The following BLK variants were observed in gnomAD, a reference collection of about 807,000 sequenced individuals.
BLK encodes the protein tyrosine-protein kinase Blk.
A neutral mutation model predicts 61.8 loss-of-function variants in BLK; 64 were observed. That is an observed-to-expected ratio of 1.03 (90% confidence interval 0.85 to 1.27). BLK has a LOEUF of 1.27. Ranked by LOEUF, BLK falls within the 50% of genes most tolerant of loss-of-function variation. The pLI, the probability that BLK is intolerant of heterozygous loss-of-function variation, is 0.00. For missense variants in BLK, 853 were observed against 660.5 expected (o/e 1.29, Z -3.19); for synonymous variants, 351 against 272.0 (o/e 1.29, Z -2.86).
intron 6 of BLK, chr8:11,554,319 GCTAT>G (rs1801078686): frequency 3.9e-6 from 1 of 258,976 alleles, no homozygotes; most frequent in Non-Finnish European, 7.6e-6. Context: ...GCTGTGAATG[GCTAT>G]CTGCTTGTAG....
chr8:11,506,844 CAGGG>C (rs1798787003), intron 1 of BLK, among the ~76,000 whole-genome samples: 1 of 152,216 alleles, frequency 6.6e-6, no homozygotes. Context: ...GTGGGACTCT[CAGGG>C]AGGCCACTTG....
intron 1 of BLK, among the ~76,000 whole-genome samples, chr8:11,498,027 G>C (rs1405267127): frequency 2.0e-5 from 3 of 152,182 alleles, no homozygotes; most frequent in African/African-American, 7.2e-5. Flanking sequence ...GTCCACTGTG[G>C]GGCTTGTGCA....
At chr8:11,556,241 C>T (rs1801215422) in intron 8 of BLK, 1 of 302,752 alleles carries the variant, frequency 3.3e-6, no homozygotes, top group African/African-American at 2.2e-5. Flanking sequence ...CGCCATGGGG[C>T]TTCAGAAGGA....
rs151256004 is a variant in BLK at position 11,556,970 on chromosome 8, G to C, written c.952+133G>C. Reference sequence around the variant, plus strand: ...GATCTAGGGCATGGCACGGTGTGGGGACAGGGAGGGATGGAGGGAGGGGGA... The same window carrying C: ...GATCTAGGGCATGGCACGGTGTGGGCACAGGGAGGGATGGAGGGAGGGGGA... On this transcript the variant is annotated intron_variant, in intron 9 of 12. Transcript: ENST00000259089. 1.1e-4 allele frequency: 70 copies of C among 648,238 alleles called. No individual in the cohort carries two copies. The East Asian group carries it at 3.2e-3, about 30-fold the overall frequency. 40.2% of individuals were successfully genotyped at this position (648,238 alleles called of 1,614,324 possible).
At chr8:11,546,856 G>A (rs927770340) in intron 3 of BLK, among the ~76,000 whole-genome samples, 14 of 152,328 alleles carry the variant, frequency 9.2e-5, no homozygotes, top group African/African-American at 2.6e-4. Context: ...GATTACAGGC[G>A]TGAGCCACTG....
intron 1 of BLK, among the ~76,000 whole-genome samples, chr8:11,502,956 G>T (rs929265643): frequency 6.6e-6 from 1 of 152,178 alleles, no homozygotes. Flanking sequence ...CCACTGTGGG[G>T]TTCGCAAGTC....
At chr8:11,519,871 C>T (rs142325315) in intron 1 of BLK, among the ~76,000 whole-genome samples, 78 of 152,284 alleles carry the variant, frequency 5.1e-4, no homozygotes, top group African/African-American at 1.7e-3. Flanking sequence ...CCCTTGCCGC[C>T]CCCACTATCA....
At chr8:11,550,755 C>A (rs1455259512) in intron 6 of BLK, among the ~76,000 whole-genome samples, 1 of 152,258 alleles carries the variant, frequency 6.6e-6, no homozygotes, top group Admixed American at 6.5e-5. Flanking sequence ...CTCATGAGTT[C>A]AAATCCACTG....
At chr8:11,522,123 T>A (rs1252939494) in intron 1 of BLK, among the ~76,000 whole-genome samples, 1 of 152,204 alleles carries the variant, frequency 6.6e-6, no homozygotes, top group Non-Finnish European at 1.5e-5. Flanking sequence ...CATACAAGTT[T>A]GCACATATTT....
intron 10 of BLK, chr8:11,559,095 C>A: frequency 2.3e-6 from 1 of 436,728 alleles, no homozygotes; most frequent in Non-Finnish European, 4.6e-6. Flanking sequence ...CCTCCGCTGT[C>A]TCCTATTCAA....
chr8:11,563,992 G>A lies in BLK; in HGVS notation c.1402G>A (p.Val468Ile), dbSNP rs1801611252. ...CTGCCCGCCCGAGCTGTACCGCGGC[G>A]TCATCGCCGAGTGCTGGCGCAGCCG... The part of the protein sequence containing the change: ...DTCPPELYRG[V>I]IAECWRSRPE... The change falls in exon 13 of 13, where the codon GTC becomes ATC. Residue 468 changes from valine (V) to isoleucine (I), a missense_variant. Val to Ile is a conservative substitution (Grantham distance 29, BLOSUM62 3). Transcript: ENST00000259089. 1 of 1,605,830 alleles carries A rather than the reference G, an allele frequency of 6.2e-7. No individual in the cohort carries two copies. Among genetic ancestry groups the A allele is most frequent in the Non-Finnish European group, 8.5e-7 (1 of 1,179,268 alleles).
In BLK at chr8:11,563,048, A is replaced by G; in HGVS notation, c.1250A>G (p.Asp417Gly). 1 of 1,614,130 alleles carries G rather than the reference A, an allele frequency of 6.2e-7. No individual in the cohort carries two copies. The highest frequency in any genetic ancestry group is 1.3e-5 in the African/African-American group (1 of 75,066). Residue 417 changes from aspartate (D) to glycine (G), a missense_variant, in exon 12 of 13, where the codon GAC becomes GGC. By Grantham distance (94) the Asp-to-Gly change is moderately conservative. Coordinates refer to ENST00000259089, the MANE Select transcript of BLK (RefSeq NM_001715.3). Reference sequence around the variant, plus strand: ...TTCGGGGTCTTCACCATCAAAGCAGACGTGTGGTCGTTTGGAGTCCTCCTG... The same window carrying G: ...TTCGGGGTCTTCACCATCAAAGCAGGCGTGTGGTCGTTTGGAGTCCTCCTG... Reference protein sequence around the residue: ...IHFGVFTIKADVWSFGVLLME... With the variant: ...IHFGVFTIKAGVWSFGVLLME...
At chr8:11,518,013 C>T (rs1246977449) in intron 1 of BLK, among the ~76,000 whole-genome samples, 3 of 152,216 alleles carry the variant, frequency 2.0e-5, no homozygotes, top group Admixed American at 6.5e-5. Context: ...GCTTTGACCT[C>T]ACTGTCAGGG....
chr8:11,512,691 T>C (rs1203561658), intron 1 of BLK, among the ~76,000 whole-genome samples: 1 of 144,348 alleles, frequency 6.9e-6, no homozygotes, highest in East Asian at 2.4e-4. Context: ...TGAGACAGAG[T>C]CTTGCTCTGT....
intron 1 of BLK, among the ~76,000 whole-genome samples, chr8:11,514,468 A>G (rs1799146224): frequency 6.6e-6 from 1 of 152,246 alleles, no homozygotes. Context: ...CCCAGGTCTC[A>G]GAAGCCTTGT....
chr8:11,559,911 G>T (rs537658115), intron 10 of BLK: 1 of 449,460 alleles, frequency 2.2e-6, no homozygotes, highest in Non-Finnish European at 4.5e-6. Flanking sequence ...TTGCTCAGCA[G>T]ATCTGGGCAG....
intron 1 of BLK, among the ~76,000 whole-genome samples, chr8:11,520,374 G>C (rs1799395157): frequency 6.6e-6 from 1 of 151,566 alleles, no homozygotes. Flanking sequence ...CTACTTGGGA[G>C]GTTGAGGTGG....
At chr8:11,535,447 C>A (rs536191379) in intron 1 of BLK, among the ~76,000 whole-genome samples, 3 of 152,326 alleles carry the variant, frequency 2.0e-5, no homozygotes, top group Admixed American at 6.5e-5. Context: ...GTTTTCTGAA[C>A]GTGTTTTCTA....
intron 4 of BLK, 113 bp from the exon 5 acceptor site, chr8:11,548,911 C>T: frequency 1.1e-6 from 1 of 945,432 alleles, no homozygotes; most frequent in Non-Finnish European, 1.7e-6. Flanking sequence ...ACTCTCTACC[C>T]CTGCGGATTC....
Sources: gnomAD v4.1 joint callset for allele counts (sites outside exome capture counted in the v4.1 genomes callset) on GRCh38, gnomAD v4.1.1 for gene constraint, MANE v1.5 for transcripts, NCBI Gene and HGNC (gene_info 2026-07-23, HGNC 2026-07-21) for gene names.